The following SP110 variants were observed in gnomAD, a reference collection of about 807,000 sequenced individuals.
SP110 encodes interferon-induced protein 41, 30kD.
SP110 carries 62 observed loss-of-function variants against 92.7 expected under a neutral mutation model. The observed-to-expected ratio is 0.67, with a 90% CI of 0.55 to 0.83. The LOEUF (loss-of-function observed/expected upper bound fraction) is 0.83, where lower values mean the gene tolerates loss of function less well. Ranked by LOEUF, SP110 falls within the 40% of genes least tolerant of loss-of-function variation. SP110 has a pLI of 0.00. For missense variants in SP110, 793 were observed against 863.9 expected (o/e 0.92, Z 1.03); for synonymous variants, 273 against 305.3 (o/e 0.89, Z 1.10).
At chr2:230,217,266 T>C (rs939717935) in intron 1 of SP110, among the ~76,000 whole-genome samples, 4 of 95,434 alleles carry the variant, frequency 4.2e-5, no homozygotes, top group Non-Finnish European at 6.4e-5. Flanking sequence ...AAAAAAAAAA[T>C]AGAAGCAAAA....
At chr2:230,221,672 G>A (rs1559191167), upstream of SP110, 1 of 1,533,802 alleles carries the variant, frequency 6.5e-7, no homozygotes, top group Non-Finnish European at 8.7e-7. Context: ...AAGGAATTAA[G>A]GTTATTTTAT....
chr2:230,171,561 G>A, intron 17 of SP110, 135 bp downstream of exon 17: 1 of 747,524 alleles, frequency 1.3e-6, no homozygotes, highest in Non-Finnish European at 2.4e-6. Flanking sequence ...AATCCCTGCT[G>A]CCCCGCTCCA....
At chr2:230,198,722 G>A (rs1233249273) in intron 10 of SP110, among the ~76,000 whole-genome samples, 1 of 152,048 alleles carries the variant, frequency 6.6e-6, no homozygotes, top group Non-Finnish European at 1.5e-5. Flanking sequence ...AGCCTCCTGA[G>A]TAGCTGGGAT....
chr2:230,186,153 A>G lies in SP110; in HGVS notation c.1130-10T>C. 6.2e-7 allele frequency: 1 copy of G among 1,613,864 alleles called. No individual in the cohort carries two copies. The highest frequency in any genetic ancestry group is 8.5e-7 in the Non-Finnish European group (1 of 1,179,870). ...CCAGGTGAGGCTGCCCCTGGACCAA[A>G]TAGACTTGTGAATAGTTTAGTGAGC... On this transcript the variant is annotated splice_polypyrimidine_tract_variant and intron_variant, in intron 10 of 18. Transcript: ENST00000258381.
At chr2:230,184,346 GT>G (rs2042260221) in intron 11 of SP110, among the ~76,000 whole-genome samples, 1 of 152,104 alleles carries the variant, frequency 6.6e-6, no homozygotes, top group Non-Finnish European at 1.5e-5. Flanking sequence ...TAAAGCAGTG[GT>G]TAACACTGGG....
intron 1 of SP110, among the ~76,000 whole-genome samples, chr2:230,217,934 T>G (rs1255910824): frequency 6.6e-6 from 1 of 152,200 alleles, no homozygotes; most frequent in Non-Finnish European, 1.5e-5. Flanking sequence ...AATAAAAGCA[T>G]GAGGGCTGAG....
intron 10 of SP110, among the ~76,000 whole-genome samples, chr2:230,192,240 T>G (rs2042668076): frequency 6.6e-6 from 1 of 152,176 alleles, no homozygotes; most frequent in Non-Finnish European, 1.5e-5. Context: ...AAGGATGCCC[T>G]CTCTCACCAT....
At chr2:230,185,572 T>C (rs2042320415) in intron 11 of SP110, among the ~76,000 whole-genome samples, 1 of 152,174 alleles carries the variant, frequency 6.6e-6, no homozygotes, top group Non-Finnish European at 1.5e-5. Flanking sequence ...TGTCCTAACT[T>C]AAAAATGCAG....
intron 17 of SP110, chr2:230,170,974 A>G: frequency 1.6e-6 from 1 of 615,342 alleles, no homozygotes; most frequent in South Asian, 1.9e-5. Context: ...ACCATAAATA[A>G]TAATGCCCAT....
Position 230,208,058 on chromosome 2 carries a change from T to G in SP110, c.831A>C (p.Gly277=). 1.3e-6 allele frequency: 2 copies of G among 1,496,934 alleles called. No homozygotes were observed. Among genetic ancestry groups the G allele is most frequent in the African/African-American group, 2.8e-5 (2 of 72,362 alleles). The allele number at this position is 1,496,934 out of a possible 1,614,324, so 92.7% of individuals were successfully genotyped here. ...ACCAGATACATCTTTTTCTTTTCTT[T>G]CCTAAAAAGAAAGGATAATGTTTTA... is the stretch of plus-strand genomic sequence containing the variant. ...EVSSTPSDKK[G]KKRKRCIWST... The change falls in exon 8 of 19, where the codon GGA becomes GGC. Residue 277 remains glycine (G), a splice_region_variant and synonymous_variant. Coordinates refer to ENST00000258381, the MANE Select transcript of SP110 (RefSeq NM_080424.4).
intron 9 of SP110, 138 bp from the exon 10 acceptor site, chr2:230,201,103 C>G: frequency 2.7e-6 from 2 of 743,942 alleles, no homozygotes; most frequent in South Asian, 2.9e-5. Flanking sequence ...ATGCATCTAC[C>G]AAGAGATTTG....
intron 10 of SP110, among the ~76,000 whole-genome samples, chr2:230,191,860 G>A (rs2042647007): frequency 6.6e-6 from 1 of 152,142 alleles, no homozygotes; most frequent in Non-Finnish European, 1.5e-5. Context: ...CAATATCCCT[G>A]ATGAACATCA....
chr2:230,190,832 G>GT (rs1236772417), intron 10 of SP110, among the ~76,000 whole-genome samples: 1 of 152,150 alleles, frequency 6.6e-6, no homozygotes, highest in Admixed American at 6.5e-5. Flanking sequence ...GCCATTGCTT[G>GT]TTTTTGTCAG....
intron 12 of SP110, among the ~76,000 whole-genome samples, chr2:230,182,599 T>A (rs867636089): frequency 2.0e-4 from 31 of 152,014 alleles, no homozygotes; most frequent in Non-Finnish European, 3.2e-4. Flanking sequence ...GGTGGGAGCA[T>A]TCGGTATCTG....
At chr2:230,173,140 C>A in intron 14 of SP110, 181 bp from the exon 15 acceptor site, 1 of 605,958 alleles carries the variant, frequency 1.7e-6, no homozygotes, top group Non-Finnish European at 3.1e-6. Flanking sequence ...GCACAACAAG[C>A]AGAGAGTCTG....
chr2:230,215,003 A>C lies in SP110; in HGVS notation c.263T>G (p.Ile88Ser). Residue 88 changes from isoleucine to serine, a missense_variant, in exon 3 of 19, where the codon ATT (isoleucine) becomes AGT (serine). Ile to Ser is a moderately radical substitution (Grantham distance 142). Coordinates refer to ENST00000258381, the MANE Select transcript of SP110 (RefSeq NM_080424.4). ...LSLLVTLFSQ[I>S]NLREYPNLVT... Reference sequence around the variant, plus strand: ...CAGATTGGGATATTCACGCAGGTTAATTTGACTGAACAATGTCACCAGAAG... The same window carrying C: ...CAGATTGGGATATTCACGCAGGTTACTTTGACTGAACAATGTCACCAGAAG... 35 of 1,614,088 alleles carry C rather than the reference A, an allele frequency of 2.2e-5. No individual in the cohort carries two copies. Among genetic ancestry groups the C allele is most frequent in the Non-Finnish European group, 3.0e-5 (35 of 1,179,902 alleles).
At chr2:230,207,176 G>A (rs1250226432) in intron 8 of SP110, among the ~76,000 whole-genome samples, 2 of 152,278 alleles carry the variant, frequency 1.3e-5, no homozygotes, top group East Asian at 3.9e-4. Context: ...AGGAAAGGAT[G>A]ATGGCTATCC....
rs116333318 is a variant in SP110 at position 230,166,235 on chromosome 2, C to A, written c.*2889G>T. 8.6e-3 allele frequency among the ~76,000 whole-genome samples: 1,306 copies of A among 152,274 alleles called. 23 individuals are homozygous for A. Among genetic ancestry groups the A allele is most frequent in the African/African-American group, 0.029 (1,195 of 41,556 alleles). On this transcript the variant is annotated 3_prime_UTR_variant, in exon 19 of 19. Transcript: ENST00000258381. ...TAACCACAAATGAAATAGATGACTT[C>A]TTAGAAAAACATAAAAGCAGAGCTG... is the stretch of plus-strand genomic sequence containing the variant.
Position 230,211,479 on chromosome 2 carries a change from A to G in SP110, c.742T>C (p.Ser248Pro), listed in dbSNP as rs1296511716. ...PQEMPHSPLGSMPEIRDNSPE... is the reference protein window; with the variant it reads ...PQEMPHSPLGPMPEIRDNSPE... ...ACCAAACCAAGATTACCTGGCATAG[A>G]GCCCAAGGGAGAGTGGGGCATCTCT... The change falls in exon 6 of 19, where the codon TCT becomes CCT. Residue 248 changes from serine (S) to proline (P), a missense_variant. Transcript: ENST00000258381. The surrounding 1 kb of genome is among the most constrained non-coding windows in gnomAD (Gnocchi z 4.2). The G allele has an allele frequency of 6.2e-7, 1 of 1,600,414 alleles. No individual in the cohort carries two copies. Among genetic ancestry groups the G allele is most frequent in the African/African-American group, 1.3e-5 (1 of 74,624 alleles).
Sources: gnomAD v4.1 joint callset for allele counts (sites outside exome capture counted in the v4.1 genomes callset) on GRCh38, gnomAD v4.1.1 for gene constraint, Gnocchi (gnomAD v3.1) non-coding constraint, MANE v1.5 for transcripts, NCBI Gene and HGNC (gene_info 2026-07-23, HGNC 2026-07-21) for gene names.